The following PCDH15 variants were observed in gnomAD, a reference collection of about 807,000 sequenced individuals.
PCDH15 encodes protocadherin-15.
Under a neutral mutation model 178.5 loss-of-function variants are expected in PCDH15, and 129 were observed. The observed-to-expected ratio is 0.72, with a 90% confidence interval of 0.63 to 0.84. The LOEUF (loss-of-function observed/expected upper bound fraction) is 0.84. PCDH15 is among the 40% of genes least tolerant of loss of function. The pLI, the probability that PCDH15 is intolerant of heterozygous loss-of-function variation, is 0.00. For synonymous variants in PCDH15, 800 were observed against 732.0 expected, an observed-to-expected ratio of 1.09 and a Z score of -1.50; for missense variants, 2,230 against 2,099.9, an observed-to-expected ratio of 1.06 and a Z score of -1.21.
chr10:55,128,034 A>G (rs944185787), intron 2 of PCDH15, among the ~76,000 whole-genome samples: 4 of 152,074 alleles, frequency 2.6e-5, no homozygotes, highest in Non-Finnish European at 4.4e-5. Flanking sequence ...TTCCCCAGGC[A>G]ATAATCTAAA....
At chr10:55,383,049 C>A (rs979851089) in intron 2 of PCDH15, among the ~76,000 whole-genome samples, 10 of 152,220 alleles carry the variant, frequency 6.6e-5, no homozygotes, top group Admixed American at 3.9e-4. Context: ...CTAACTTGGC[C>A]TCCAGGAATA....
chr10:55,170,638 C>A (rs1213662723), intron 1 of PCDH15, among the ~76,000 whole-genome samples: 2 of 152,110 alleles, frequency 1.3e-5, no homozygotes, highest in Admixed American at 6.5e-5. Context: ...AATTCCAGCA[C>A]TTTGGGAGGC....
At chr10:53,873,792 G>C (rs1332912752) in intron 26 of PCDH15, among the ~76,000 whole-genome samples, 2 of 152,166 alleles carry the variant, frequency 1.3e-5, no homozygotes, top group African/African-American at 4.8e-5. Context: ...TTTGAAGGAT[G>C]GGCCTTTGCA....
chr10:54,804,425 G>T (rs1952741164), upstream of PCDH15, among the ~76,000 whole-genome samples: 1 of 152,068 alleles, frequency 6.6e-6, no homozygotes, highest in South Asian at 2.1e-4. Context: ...ATAAATACTG[G>T]CAATGCCATG....
At chr10:55,222,710 T>TACACACACACACACACACAC (rs374141989) in intron 1 of PCDH15, among the ~76,000 whole-genome samples, 61 of 42,082 alleles carry the variant, frequency 1.4e-3, no homozygotes, top group African/African-American at 4.6e-3. Flanking sequence ...TATATCTTTA[T>TACACACACACACACACACAC]ACACACACAC....
chr10:54,035,526 G>T (rs1486948549), intron 18 of PCDH15, among the ~76,000 whole-genome samples: 1 of 151,788 alleles, frequency 6.6e-6, no homozygotes, highest in African/African-American at 2.4e-5. Context: ...AATTAATAAA[G>T]GTTCTATGTA....
chr10:55,157,938 A>G (rs1838938114), intron 2 of PCDH15, among the ~76,000 whole-genome samples: 1 of 85,958 alleles, frequency 1.2e-5, no homozygotes, highest in South Asian at 6.0e-4. Context: ...CATGTACCCT[A>G]GAACTTAAAG....
intron 3 of PCDH15, among the ~76,000 whole-genome samples, chr10:54,526,157 C>A (rs991934829): frequency 3.3e-5 from 5 of 152,190 alleles, no homozygotes; most frequent in Non-Finnish European, 7.3e-5. Flanking sequence ...AGTTCCTAAG[C>A]TCCTTTGAAA....
At chr10:55,419,565 G>T (rs1366235254) in intron 2 of PCDH15, among the ~76,000 whole-genome samples, 1 of 151,734 alleles carries the variant, frequency 6.6e-6, no homozygotes, top group African/African-American at 2.4e-5. Flanking sequence ...ATGGCTGTAA[G>T]ACAGGAAAAA....
intron 2 of PCDH15, among the ~76,000 whole-genome samples, chr10:55,139,955 T>C (rs1420302398): frequency 6.6e-6 from 1 of 151,960 alleles, no homozygotes; most frequent in Admixed American, 6.6e-5. Flanking sequence ...CATCAAAATT[T>C]CATTATTTTA....
chr10:54,284,734 T>C lies in PCDH15; in HGVS notation c.876+32537A>G, dbSNP rs140489763. Among the ~76,000 whole-genome samples the C allele has an allele frequency of 6.2e-3, 952 of 152,324 alleles. 9 individuals carry two copies. The highest frequency in any genetic ancestry group is 0.017 in the African/African-American group (700 of 41,574). On this transcript the variant is annotated intron_variant, in intron 8 of 37. Transcript: ENST00000644397. ...GTTGATGATGCAGTTATGCCATGCA[T>C]AGCAACCGCAGCAGGCCTTCCTCAT...
Position 54,310,411 on chromosome 10 carries a change from C to G in PCDH15, c.876+6860G>C, listed in dbSNP as rs551720965. ...ACAGTGTAAATAGACAGGTGTCAAA[C>G]AGATTTGAGTAAGAGTATATAGGTA... is the stretch of plus-strand genomic sequence containing the variant. On this transcript the variant is annotated intron_variant, in intron 8 of 37. Coordinates refer to ENST00000644397, the MANE Select transcript of PCDH15 (RefSeq NM_001384140.1). 4.7e-4 allele frequency among the ~76,000 whole-genome samples: 72 copies of G among 152,062 alleles called. 1 individual carries two copies. Among genetic ancestry groups the G allele is most frequent in the Middle Eastern group, 6.8e-3 (2 of 294 alleles).
intron 9 of PCDH15, among the ~76,000 whole-genome samples, chr10:54,223,149 T>C (rs148231612): frequency 3.8e-4 from 57 of 151,858 alleles, no homozygotes; most frequent in African/African-American, 1.2e-3. Context: ...CCGTCTCTAC[T>C]AAAAATAGAG....
intron 11 of PCDH15, 111 bp from the exon 12 acceptor site, chr10:54,185,379 T>A: frequency 2.5e-6 from 3 of 1,184,890 alleles, no homozygotes; most frequent in Non-Finnish European, 3.7e-6. Context: ...GTGAAAGTAT[T>A]AAGAATTTCT....
chr10:55,592,101 C>T (rs1292493333), intron 2 of PCDH15, among the ~76,000 whole-genome samples: 2 of 151,962 alleles, frequency 1.3e-5, no homozygotes, highest in Non-Finnish European at 2.9e-5. Flanking sequence ...TGCAGTCAGT[C>T]GTGAGAAAAA....
chr10:54,196,832 A>C (rs1211422881), intron 10 of PCDH15, among the ~76,000 whole-genome samples: 1 of 152,196 alleles, frequency 6.6e-6, no homozygotes, highest in Non-Finnish European at 1.5e-5. Context: ...ACCACGTGAG[A>C]ACAAGTAAGA....
At position 54,195,720 on chromosome 10, in the gene PCDH15, G is replaced by A. The variant is rs2049537464; in HGVS notation, c.1268C>T (p.Pro423Leu). 6.2e-7 allele frequency: 1 copy of A among 1,613,890 alleles called. No homozygotes were observed. Among genetic ancestry groups the A allele is most frequent in the African/African-American group, 1.3e-5 (1 of 74,890 alleles). ...CTTGTCCAGAGCTACTATTCTTAAA[G>A]GTGAAGTCAAATTGAGACTGTCCGA... ...TISDSLNLTS[P>L]LRIVALDKDI... is the part of the protein sequence containing the mutation. The change falls in exon 11 of 38, where the codon CCT becomes CTT. Residue 423 changes from proline to leucine, a missense_variant. Physicochemically the swap from Pro to Leu is moderately conservative, Grantham distance 98. Coordinates refer to ENST00000644397, the MANE Select transcript of PCDH15 (RefSeq NM_001384140.1).
intron 2 of PCDH15, among the ~76,000 whole-genome samples, chr10:55,584,358 A>T (rs984348005): frequency 2.6e-4 from 4 of 15,186 alleles, no homozygotes; most frequent in African/African-American, 1.7e-3. Context: ...AAGTTTCCTT[A>T]AAAAAAAAAA....
chr10:53,982,056 G>A (rs2090694605), intron 21 of PCDH15, among the ~76,000 whole-genome samples: 1 of 152,150 alleles, frequency 6.6e-6, no homozygotes, highest in Non-Finnish European at 1.5e-5. Context: ...GCAGCCAAAA[G>A]ACACATGAAA....
Sources: allele counts gnomAD v4.1 joint callset (sites outside exome capture counted in the v4.1 genomes callset), GRCh38; gene constraint gnomAD v4.1.1; transcripts MANE v1.5; gene names NCBI Gene and HGNC (gene_info 2026-07-23, HGNC 2026-07-21).